Variants in WWOX observed in about 807,000 individuals in gnomAD.
The protein encoded by WWOX is WW domain-containing oxidoreductase.
Under a neutral mutation model 46.2 loss-of-function variants are expected in WWOX, and 69 were observed. The observed-to-expected ratio is 1.49, with a 90% CI of 1.23 to 1.82. The LOEUF (loss-of-function observed/expected upper bound fraction) is 1.82, where lower values mean the gene tolerates loss of function less well. WWOX is among the 40% of genes most tolerant of loss of function. The probability of loss-of-function intolerance (pLI) is 0.00; values close to 1 mark genes in which losing one functional copy is unlikely to be tolerated. For synonymous variants in WWOX, 359 were observed against 202.6 expected, an observed-to-expected ratio of 1.77 and a Z score of -6.56; for missense variants, 919 against 542.6, an observed-to-expected ratio of 1.69 and a Z score of -6.89.
chr16:79,063,753 A>G (rs1377389143), intron 8 of WWOX, among the ~76,000 whole-genome samples: 2 of 152,228 alleles, frequency 1.3e-5, no homozygotes, highest in Non-Finnish European at 1.5e-5. Context: ...CAGAATAAAA[A>G]TAGCTCAAAA....
chr16:78,717,628 G>A (rs1025466225), intron 8 of WWOX, among the ~76,000 whole-genome samples: 9 of 152,158 alleles, frequency 5.9e-5, no homozygotes, highest in African/African-American at 1.9e-4. Flanking sequence ...AGTTTCCCCA[G>A]ACACACGGAG....
intron 8 of WWOX, among the ~76,000 whole-genome samples, chr16:78,843,170 C>G (rs2052206830): frequency 6.7e-6 from 1 of 149,936 alleles, no homozygotes; most frequent in South Asian, 2.2e-4. Flanking sequence ...TACTGTCAGC[C>G]ACTGTCCTAG....
At chr16:78,527,303 T>TA (rs2043497563) in intron 8 of WWOX, among the ~76,000 whole-genome samples, 1 of 150,576 alleles carries the variant, frequency 6.6e-6, no homozygotes. Flanking sequence ...TTTCTTTTTT[T>TA]TTTTTTTGGA....
intron 4 of WWOX, among the ~76,000 whole-genome samples, chr16:78,163,733 C>G (rs1160504784): frequency 6.6e-6 from 1 of 152,200 alleles, no homozygotes; most frequent in Non-Finnish European, 1.5e-5. Flanking sequence ...AGCAGAGGTG[C>G]TGGCGACACT....
At chr16:78,859,481 A>T (rs1191265140) in intron 8 of WWOX, among the ~76,000 whole-genome samples, 1 of 152,194 alleles carries the variant, frequency 6.6e-6, no homozygotes, top group Non-Finnish European at 1.5e-5. Context: ...AATTAATTAA[A>T]AATGGAATGT....
At chr16:78,995,093 T>G (rs553623456) in intron 8 of WWOX, among the ~76,000 whole-genome samples, 4 of 151,840 alleles carry the variant, frequency 2.6e-5, no homozygotes, top group African/African-American at 4.8e-5. Context: ...GAGTTCACTG[T>G]GCCCTTAGAT....
At chr16:78,777,078 G>A (rs4887985) in intron 8 of WWOX, among the ~76,000 whole-genome samples, 59,764 of 152,058 alleles carry the variant, frequency 0.39, 12,402 homozygotes, top group Middle Eastern at 0.53. Flanking sequence ...GAGGAAAATT[G>A]GGAATGAAGT....
chr16:78,975,764 C>T (rs904123457), intron 8 of WWOX, among the ~76,000 whole-genome samples: 1 of 152,132 alleles, frequency 6.6e-6, no homozygotes, highest in Non-Finnish European at 1.5e-5. Flanking sequence ...AAGCGGAGGT[C>T]ATGATGGAAT....
chr16:78,705,340 GA>G (rs1284339958), intron 8 of WWOX, among the ~76,000 whole-genome samples: 1 of 152,122 alleles, frequency 6.6e-6, no homozygotes, highest in Non-Finnish European at 1.5e-5. Flanking sequence ...TGGTCTATAT[GA>G]AAAACAACAC....
At chr16:78,492,807 C>A (rs1170357348) in intron 8 of WWOX, among the ~76,000 whole-genome samples, 2 of 152,134 alleles carry the variant, frequency 1.3e-5, no homozygotes, top group African/African-American at 4.8e-5. Flanking sequence ...AGCCTTTTGA[C>A]AAATTTCTGG....
chr16:78,545,692 A>C (rs535179726), intron 8 of WWOX, among the ~76,000 whole-genome samples: 40 of 152,276 alleles, frequency 2.6e-4, no homozygotes, highest in Non-Finnish European at 2.5e-4. Flanking sequence ...AATACCACCC[A>C]CTGGGGATAT....
rs759794876 is a variant in WWOX, at chr16:78,386,895, CGCTCTGCTCCGTAG to C, written c.553_566del (p.Ala185ArgfsTer6). 4 of 1,614,112 alleles carry C rather than the reference CGCTCTGCTCCGTAG, an allele frequency of 2.5e-6. No individual in the cohort carries two copies. In the South Asian group the frequency reaches 4.4e-5, roughly 18 times the overall value. On this transcript the variant is annotated frameshift_variant, in exon 6 of 9. Transcript: ENST00000566780. LOFTEE classifies it high-confidence loss of function. ...AGGTAGAAGCAATGACCCTGGACCTCGCTCTGCTCCGTAGCGTGCAGCATTTTGCTGAAGCATTC... is the reference window on the plus strand; with the variant it reads ...AGGTAGAAGCAATGACCCTGGACCTCCGTGCAGCATTTTGCTGAAGCATTC...
At chr16:79,133,006 C>G (rs2049911744) in intron 8 of WWOX, among the ~76,000 whole-genome samples, 1 of 152,170 alleles carries the variant, frequency 6.6e-6, no homozygotes, top group African/African-American at 2.4e-5. Flanking sequence ...CTGGCAGGCA[C>G]ACAGCTCTGT....
At chr16:78,470,367 C>T (rs2084191574) in intron 8 of WWOX, among the ~76,000 whole-genome samples, 1 of 152,172 alleles carries the variant, frequency 6.6e-6, no homozygotes, top group African/African-American at 2.4e-5. Context: ...TGTTTAAAAT[C>T]ACTTTGGATT....
rs541835608 is a variant in WWOX, at chr16:78,360,080, AGATTTTCCC to A, written c.517-26779_517-26771del. On this transcript the variant is annotated intron_variant, in intron 5 of 8. Transcript: ENST00000566780. Reference sequence around the variant, plus strand: ...GGATACCAATTTAAGCTTGTCAAAAAGATTTTCCCCCAAAAGAAAAACACATTAAAAACA... The same window carrying A: ...GGATACCAATTTAAGCTTGTCAAAAACCAAAAGAAAAACACATTAAAAACA... 3.9e-5 allele frequency among the ~76,000 whole-genome samples: 6 copies of A among 152,340 alleles called. No individual in the cohort carries two copies. In the East Asian group the frequency reaches 1.2e-3, roughly 29 times the overall value.
chr16:78,233,352 A>G (rs1394292104), intron 5 of WWOX, among the ~76,000 whole-genome samples: 1 of 152,008 alleles, frequency 6.6e-6, no homozygotes. Flanking sequence ...TACCCTTTTA[A>G]CAAATTTTTA....
At chr16:78,924,219 G>A (rs2045446694) in intron 8 of WWOX, among the ~76,000 whole-genome samples, 2 of 152,154 alleles carry the variant, frequency 1.3e-5, no homozygotes, top group Non-Finnish European at 2.9e-5. Context: ...GCTTGGTCTT[G>A]AAGCTGTGAA....
At chr16:78,220,423 G>C (rs2036851388) in intron 5 of WWOX, among the ~76,000 whole-genome samples, 1 of 151,850 alleles carries the variant, frequency 6.6e-6, no homozygotes, top group Non-Finnish European at 1.5e-5. Flanking sequence ...TGCTATTTTG[G>C]GTCATAGCTG....
chr16:78,783,905 A>G (rs931795796), intron 8 of WWOX, among the ~76,000 whole-genome samples: 3 of 150,400 alleles, frequency 2.0e-5, no homozygotes, highest in Non-Finnish European at 3.0e-5. Flanking sequence ...GGTGATGACG[A>G]TGGTGATGAT....
Sources: allele counts gnomAD v4.1 joint callset (sites outside exome capture counted in the v4.1 genomes callset), GRCh38; gene constraint gnomAD v4.1.1; transcripts MANE v1.5; gene names NCBI Gene and HGNC (gene_info 2026-07-23, HGNC 2026-07-21).